The following MARCHF1 variants were observed in gnomAD, a reference collection of about 807,000 sequenced individuals.
The protein encoded by MARCHF1 is membrane associated ring-CH-type finger 1.
A neutral mutation model predicts 54.2 loss-of-function variants in MARCHF1; 40 were observed. The ratio of observed to expected loss-of-function variants is 0.74; its 90% CI spans 0.57 to 0.96. The LOEUF (loss-of-function observed/expected upper bound fraction) is 0.96, where lower values mean the gene tolerates loss of function less well. Among genes scored for constraint, MARCHF1 ranks in the 40% least tolerant of loss-of-function variants. The pLI is 0.00. For synonymous variants in MARCHF1, 236 were observed against 236.3 expected, an observed-to-expected ratio of 1.00 and a Z score of 0.01; for missense variants, 586 against 656.5, an observed-to-expected ratio of 0.89 and a Z score of 1.17.
chr4:164,286,059 A>G (rs1292925538), intron 1 of MARCHF1, among the ~76,000 whole-genome samples: 1 of 152,174 alleles, frequency 6.6e-6, no homozygotes, highest in Non-Finnish European at 1.5e-5. Context: ...GACAGGATCA[A>G]TAAAGAAAAC....
At chr4:163,889,213 G>A (rs896830780) in intron 3 of MARCHF1, among the ~76,000 whole-genome samples, 2 of 152,070 alleles carry the variant, frequency 1.3e-5, no homozygotes, top group Admixed American at 6.5e-5. Context: ...CTCACTATGC[G>A]CCAGGCACTG....
intron 2 of MARCHF1, among the ~76,000 whole-genome samples, chr4:164,094,562 G>C (rs1054838227): frequency 6.6e-6 from 1 of 152,028 alleles, no homozygotes; most frequent in African/African-American, 2.4e-5. Context: ...GAGAGCAAGG[G>C]AATAGGAATG....
intron 5 of MARCHF1, among the ~76,000 whole-genome samples, chr4:163,619,959 C>A (rs1250950822): frequency 6.6e-6 from 1 of 151,854 alleles, no homozygotes; most frequent in Non-Finnish European, 1.5e-5. Flanking sequence ...ACCCATATAC[C>A]AAAACCATCC....
intron 8 of MARCHF1, among the ~76,000 whole-genome samples, chr4:163,573,417 T>G (rs1278565055): frequency 1.3e-5 from 2 of 150,580 alleles, no homozygotes; most frequent in African/African-American, 4.9e-5. Context: ...ACCCACTAAC[T>G]CGTCATCTAG....
intron 8 of MARCHF1, among the ~76,000 whole-genome samples, chr4:163,574,809 G>T (rs1383624234): frequency 6.6e-6 from 1 of 151,622 alleles, no homozygotes; most frequent in Non-Finnish European, 1.5e-5. Context: ...CTCTTTTTTG[G>T]TTCCATATGA....
At chr4:164,363,799 A>C (rs1730797137) in intron 1 of MARCHF1, among the ~76,000 whole-genome samples, 1 of 111,676 alleles carries the variant, frequency 9.0e-6, no homozygotes, top group Non-Finnish European at 2.0e-5. Flanking sequence ...GTTCTTACAT[A>C]CTATGGATCT....
At chr4:164,189,346 C>A in intron 1 of MARCHF1, 1 of 616,264 alleles carries the variant, frequency 1.6e-6, no homozygotes, top group Non-Finnish European at 3.0e-6. Context: ...GACCCTGACT[C>A]AGGCCAAATT....
rs975103778 is a variant in MARCHF1, at chr4:163,854,038, A to T, written c.94T>A (p.Ser32Thr). 3.9e-6 allele frequency: 6 copies of T among 1,536,692 alleles called. No homozygotes were observed. Among genetic ancestry groups the T allele is most frequent in the Non-Finnish European group, 5.2e-6 (6 of 1,146,636 alleles). ...PEISGDLADA[S>T]QTSTLNEKSP... Reference sequence around the variant, plus strand: ...CCACTCACCAATGTGGAGGTTTGTGAGGCGTCAGCCAAATCCCCTGAGATC... The same window carrying T: ...CCACTCACCAATGTGGAGGTTTGTGTGGCGTCAGCCAAATCCCCTGAGATC... The change falls in exon 4 of 10, where the codon TCA (serine) becomes ACA (threonine). Residue 32 changes from serine to threonine, a missense_variant. Physicochemically the swap from Ser to Thr is moderately conservative, Grantham distance 58 (BLOSUM62 1). Around this residue, in one of 3 missense-constraint regions of MARCHF1, gnomAD observed 387 missense variants for 394.6 expected, o/e 0.98. Coordinates refer to ENST00000514618, the MANE Select transcript of MARCHF1 (RefSeq NM_001394959.1).
At chr4:163,758,366 G>C (rs1746737779) in intron 4 of MARCHF1, among the ~76,000 whole-genome samples, 1 of 152,126 alleles carries the variant, frequency 6.6e-6, no homozygotes, top group South Asian at 2.1e-4. Context: ...AATGTGAGTG[G>C]GGTCCAGTCT....
chr4:164,078,901 C>G (rs902035519), intron 2 of MARCHF1, among the ~76,000 whole-genome samples: 6 of 151,904 alleles, frequency 3.9e-5, no homozygotes, highest in Non-Finnish European at 5.9e-5. Flanking sequence ...CACATGTACC[C>G]TAAAACTTAA....
chr4:164,180,978 C>A (rs918238347), intron 1 of MARCHF1, among the ~76,000 whole-genome samples: 1 of 152,088 alleles, frequency 6.6e-6, no homozygotes, highest in Admixed American at 6.6e-5. Flanking sequence ...ATTCTGCAAC[C>A]AGAGAAATCT....
intron 1 of MARCHF1, among the ~76,000 whole-genome samples, chr4:164,175,989 T>C (rs562114117): frequency 1.3e-5 from 2 of 152,286 alleles, no homozygotes. Context: ...TCAGTCCTCA[T>C]CAAGTCAATC....
In MARCHF1 at chr4:163,988,707, G is replaced by C. The variant is rs1752915486; in HGVS notation, c.-245C>G. On this transcript the variant is annotated splice_region_variant and 5_prime_UTR_variant, in exon 3 of 10. Coordinates refer to ENST00000514618, the MANE Select transcript of MARCHF1 (RefSeq NM_001394959.1). Reference sequence around the variant, plus strand: ...TCATATCCTTGCTTTGCCAAGCTCAGGTCTAAACAAAGAGGGGAAAAATAG... The same window carrying C: ...TCATATCCTTGCTTTGCCAAGCTCACGTCTAAACAAAGAGGGGAAAAATAG... The C allele has an allele frequency of 6.6e-6, 1 of 152,146 alleles. No homozygotes were observed. Among genetic ancestry groups the C allele is most frequent in the Non-Finnish European group, 1.5e-5 (1 of 68,068 alleles). The allele number at this position is 152,146 out of a possible 1,614,324, so 9.4% of individuals were successfully genotyped here.
chr4:163,562,535 C>T (rs564425684), intron 8 of MARCHF1, among the ~76,000 whole-genome samples: 1 of 152,228 alleles, frequency 6.6e-6, no homozygotes, highest in East Asian at 1.9e-4. Flanking sequence ...CTCTTCTCTA[C>T]TTGCCCCTGC....
At chr4:164,141,971 G>A (rs1054696142) in intron 1 of MARCHF1, among the ~76,000 whole-genome samples, 1 of 121,332 alleles carries the variant, frequency 8.2e-6, no homozygotes, top group Non-Finnish European at 1.6e-5. Context: ...GGCGCACCGT[G>A]AGCGAGCCAA....
At chr4:164,292,334 T>C (rs1560990123) in intron 1 of MARCHF1, among the ~76,000 whole-genome samples, 1 of 151,406 alleles carries the variant, frequency 6.6e-6, no homozygotes, top group Non-Finnish European at 1.5e-5. Context: ...TGGTTATGCG[T>C]TTTTTTTCAT....
chr4:164,146,738 T>A (rs373472398), intron 1 of MARCHF1, among the ~76,000 whole-genome samples: 6 of 152,092 alleles, frequency 3.9e-5, no homozygotes, highest in Admixed American at 1.3e-4. Context: ...AAACCTAGGC[T>A]TTACCATTCA....
At chr4:164,089,180 C>T (rs1451191973) in intron 2 of MARCHF1, among the ~76,000 whole-genome samples, 1 of 151,986 alleles carries the variant, frequency 6.6e-6, no homozygotes, top group Non-Finnish European at 1.5e-5. Context: ...AGAAAGAATA[C>T]ACTAAATAAC....
intron 5 of MARCHF1, among the ~76,000 whole-genome samples, chr4:163,652,384 A>G (rs1277895415): frequency 6.6e-6 from 1 of 151,794 alleles, no homozygotes; most frequent in Non-Finnish European, 1.5e-5. Context: ...TTCTCCCTGT[A>G]TTCACCATGA....
Sources: gnomAD v4.1 joint callset for allele counts (sites outside exome capture counted in the v4.1 genomes callset) on GRCh38, gnomAD v4.1.1 for gene constraint, gnomAD v4.1.1 regional missense constraint, MANE v1.5 for transcripts, NCBI Gene and HGNC (gene_info 2026-07-23, HGNC 2026-07-21) for gene names.